ZFAND1: variants seen among roughly 807,000 people sequenced by gnomAD.
ZFAND1 encodes zinc finger AN1-type containing 1, also known as AN1-type zinc finger protein 1.
ZFAND1 carries 40 observed loss-of-function variants against 38.5 expected under a neutral mutation model. The ratio of observed to expected loss-of-function variants is 1.04; its 90% CI spans 0.81 to 1.35. The LOEUF is 1.35. ZFAND1 is among the 40% of genes most tolerant of loss of function. The probability of loss-of-function intolerance (pLI) is 0.00; values close to 1 mark genes in which losing one functional copy is unlikely to be tolerated. For synonymous variants in ZFAND1, 117 were observed against 103.6 expected (o/e 1.13, Z -0.78); for missense variants, 346 against 316.3 (o/e 1.09, Z -0.71).
chr8:81,706,873 G>C (rs1305243609), intron 6 of ZFAND1, among the ~76,000 whole-genome samples: 3 of 151,872 alleles, frequency 2.0e-5, no homozygotes, highest in Admixed American at 6.6e-5. Flanking sequence ...AAAATATTCT[G>C]TTCTCAACCT....
At chr8:81,713,186 AAT>A (rs1808192126) in intron 6 of ZFAND1, among the ~76,000 whole-genome samples, 1 of 152,096 alleles carries the variant, frequency 6.6e-6, no homozygotes, top group African/African-American at 2.4e-5. Context: ...GCAGTGGTGC[AAT>A]CTCAGCTCAC....
Position 81,720,029 on chromosome 8 carries a change from C to A in ZFAND1, c.55+1198G>T, listed in dbSNP as rs996913937. 4.6e-5 allele frequency among the ~76,000 whole-genome samples: 7 copies of A among 152,312 alleles called. No homozygotes were observed. In the East Asian group the frequency reaches 1.3e-3, roughly 29 times the overall value. ...GGATTGTGTCACCTGTCCTATCACG[C>A]ATTCCCACAGTAGAAATCACTAATC... On this transcript the variant is annotated intron_variant, in intron 1 of 7. Coordinates refer to ENST00000220669, the MANE Select transcript of ZFAND1 (RefSeq NM_024699.3).
At chr8:81,718,299 T>C (rs958815615) in intron 1 of ZFAND1, 75 bp from the exon 2 acceptor site, 24 of 1,266,934 alleles carry the variant, frequency 1.9e-5, no homozygotes, top group Non-Finnish European at 2.5e-5. Context: ...GAAGACAACC[T>C]CTATGGAAAA....
chr8:81,714,461 A>G (rs1478330214), intron 5 of ZFAND1: 1 of 277,508 alleles, frequency 3.6e-6, no homozygotes, highest in Non-Finnish European at 6.9e-6. Context: ...TATCAGCAGC[A>G]TTCACAGAAC....
intron 6 of ZFAND1, among the ~76,000 whole-genome samples, chr8:81,707,974 C>A (rs570433447): frequency 6.6e-6 from 1 of 152,110 alleles, no homozygotes; most frequent in Non-Finnish European, 1.5e-5. Flanking sequence ...ACAAGCCAGG[C>A]GCAGTGGCTC....
chr8:81,714,020 T>A lies in ZFAND1; in HGVS notation c.378A>T (p.Thr126=), dbSNP rs1470423835. Residue 126 remains threonine, a synonymous_variant, in exon 6 of 8, where the codon ACA becomes ACT. Transcript: ENST00000220669. ...KDIIDSKTGE[T]ASKRWKGAKN... ...TGGCACCTTTCCATCGTTTACTTGC[T>A]GTTTCTCCTGTCTTGGAATCTAAGA... The A allele has an allele frequency of 2.5e-6, 4 of 1,610,036 alleles. No homozygotes were observed. In the African/African-American group the frequency reaches 4.0e-5, roughly 16 times the overall value.
chr8:81,720,693 G>A (rs1162821726), intron 1 of ZFAND1: 2 of 154,336 alleles, frequency 1.3e-5, no homozygotes, highest in Non-Finnish European at 2.9e-5. Context: ...GCTGGCCGTA[G>A]GTCGCAGTGG....
In ZFAND1 at chr8:81,702,639, G is replaced by C. The variant is rs1807844143; in HGVS notation, c.*56C>G. On this transcript the variant is annotated 3_prime_UTR_variant, in exon 8 of 8. Transcript: ENST00000220669. ...AATAGTATTTGTAGTAAAATAAATG[G>C]ACTTAAACATGTAATAGAATTTTCC... 7.5e-7 allele frequency: 1 copy of C among 1,327,378 alleles called. No individual in the cohort carries two copies. Among genetic ancestry groups the C allele is most frequent in the Non-Finnish European group, 9.9e-7 (1 of 1,007,992 alleles). 82.2% of individuals were successfully genotyped at this position (1,327,378 alleles called of 1,614,324 possible).
At chr8:81,718,540 C>T (rs1808380321) in intron 1 of ZFAND1, among the ~76,000 whole-genome samples, 1 of 151,648 alleles carries the variant, frequency 6.6e-6, no homozygotes, top group African/African-American at 2.4e-5. Context: ...CTGTATACTG[C>T]AAAAATTCCG....
At chr8:81,704,302 T>C (rs2955011) in intron 6 of ZFAND1, among the ~76,000 whole-genome samples, 47,255 of 151,790 alleles carry the variant, frequency 0.31, 8,059 homozygotes, top group East Asian at 0.8. Flanking sequence ...TTCGGGAGGT[T>C]AAGGCAGGCA....
Position 81,715,122 on chromosome 8 carries a change from T to G in ZFAND1, c.139-8A>C, listed in dbSNP as rs1290153304. On this transcript the variant is annotated splice_region_variant and splice_polypyrimidine_tract_variant and intron_variant, in intron 3 of 7. Transcript: ENST00000220669. ...CTCATTGATTACAGTCACCTGAAAA[T>G]GCAAAAAGGAGGAAATGTATTACAT... The G allele has an allele frequency of 9.9e-6, 16 of 1,610,160 alleles. No homozygotes were observed. Among genetic ancestry groups the G allele is most frequent in the Non-Finnish European group, 1.4e-5 (16 of 1,178,608 alleles).
intron 6 of ZFAND1, among the ~76,000 whole-genome samples, 178 bp downstream of exon 6, chr8:81,713,740 T>C (rs1454685936): frequency 6.6e-6 from 1 of 152,170 alleles, no homozygotes; most frequent in East Asian, 1.9e-4. Flanking sequence ...CACTATCATG[T>C]CTATAAAGTG....
rs940562156 is a variant in ZFAND1 at position 81,701,548 on chromosome 8, T to C, written c.*1147A>G. The C allele has an allele frequency of 3.3e-5, 5 of 152,194 alleles. No individual in the cohort carries two copies. Among genetic ancestry groups the C allele is most frequent in the African/African-American group, 7.2e-5 (3 of 41,450 alleles). The allele number at this position is 152,194 out of a possible 1,614,324, so 9.4% of individuals were successfully genotyped here. On this transcript the variant is annotated 3_prime_UTR_variant, in exon 8 of 8. Coordinates refer to ENST00000220669, the MANE Select transcript of ZFAND1 (RefSeq NM_024699.3). ...ACAATATTTCCAAGGTATACCTGTATGTATACATATCATCATTGTATTAAT... is the reference window on the plus strand; with the variant it reads ...ACAATATTTCCAAGGTATACCTGTACGTATACATATCATCATTGTATTAAT...
chr8:81,720,656 A>G (rs1228458270), intron 1 of ZFAND1: 2 of 152,962 alleles, frequency 1.3e-5, no homozygotes, highest in African/African-American at 4.8e-5. Flanking sequence ...TACGTAACAG[A>G]TAAGTAAAAA....
chr8:81,707,790 T>C (rs1808025993), intron 6 of ZFAND1, among the ~76,000 whole-genome samples: 1 of 152,038 alleles, frequency 6.6e-6, no homozygotes, highest in African/African-American at 2.4e-5. Flanking sequence ...AAATAAAATG[T>C]TCAACTTTTC....
chr8:81,710,896 C>A (rs923115344), intron 6 of ZFAND1, among the ~76,000 whole-genome samples: 3 of 152,060 alleles, frequency 2.0e-5, no homozygotes, highest in Admixed American at 6.5e-5. Flanking sequence ...AGTGATAAAT[C>A]AAGTGGACAA....
In ZFAND1 at chr8:81,714,051, A is replaced by G; in HGVS notation, c.359-12T>C. ...TCCTGTCTTGGAATCTAAGAAGTGT[A>G]AGCATGTAATCACATAAAACTTTCA... On this transcript the variant is annotated splice_polypyrimidine_tract_variant and intron_variant, in intron 5 of 7. Coordinates refer to ENST00000220669, the MANE Select transcript of ZFAND1 (RefSeq NM_024699.3). 1 of 1,591,354 alleles carries G rather than the reference A, an allele frequency of 6.3e-7. No homozygotes were observed. Among genetic ancestry groups the G allele is most frequent in the Non-Finnish European group, 8.5e-7 (1 of 1,172,290 alleles).
rs1036362518 is a variant in ZFAND1, at chr8:81,702,437, T to C, written c.*258A>G. 1.4e-5 allele frequency: 3 copies of C among 211,934 alleles called. No individual in the cohort carries two copies. Among genetic ancestry groups the C allele is most frequent in the African/African-American group, 6.9e-5 (3 of 43,604 alleles). The allele number at this position is 211,934 out of a possible 1,614,324, so 13.1% of individuals were successfully genotyped here. On this transcript the variant is annotated 3_prime_UTR_variant, in exon 8 of 8. Transcript: ENST00000220669. ...GACATCCCCCACCAGGAAATACATC[T>C]TTGTTGTTGTCACTACAGCATAAAC...
At chr8:81,705,959 G>A (rs887244518) in intron 6 of ZFAND1, among the ~76,000 whole-genome samples, 2 of 151,988 alleles carry the variant, frequency 1.3e-5, no homozygotes, top group African/African-American at 2.4e-5. Context: ...AAAATATGTC[G>A]ACAAGAGATT....
Sources: allele counts gnomAD v4.1 joint callset (sites outside exome capture counted in the v4.1 genomes callset), GRCh38; gene constraint gnomAD v4.1.1; transcripts MANE v1.5; gene names NCBI Gene and HGNC (gene_info 2026-07-23, HGNC 2026-07-21).